The following ZNF106 variants were observed in gnomAD, a reference collection of about 807,000 sequenced individuals.
The protein encoded by ZNF106 is zinc finger protein 106.
Under a neutral mutation model 195.1 loss-of-function variants are expected in ZNF106, and 67 were observed. That is an observed-to-expected ratio of 0.34 (90% CI 0.28 to 0.42). The LOEUF (loss-of-function observed/expected upper bound fraction) is 0.42, where lower values mean the gene tolerates loss of function less well. Among genes scored for constraint, ZNF106 ranks in the 10% least tolerant of loss-of-function variants. The probability of loss-of-function intolerance (pLI) is 1.00; values close to 1 mark genes in which losing one functional copy is unlikely to be tolerated. For synonymous variants in ZNF106, 784 were observed against 818.6 expected (o/e 0.96, Z 0.72); for missense variants, 2,118 against 2,304.5 (o/e 0.92, Z 1.66).
intron 14 of ZNF106, among the ~76,000 whole-genome samples, chr15:42,430,790 A>G (rs552856273): frequency 1.4e-4 from 21 of 152,096 alleles, no homozygotes; most frequent in South Asian, 8.3e-4. Context: ...ATTTATTACC[A>G]AAATATGCTT....
chr15:42,442,366 G>T lies in ZNF106; in HGVS notation c.3470C>A (p.Thr1157Lys). ...EHPDQVPCSL[T>K]RERRNSRSQT... ...AGATCTACTGTTCCTTCGTTCTCGT[G>T]TGAGGCTACAGGGAACCTGGTCTGG... The change falls in exon 10 of 22, where the codon ACA (threonine) becomes AAA (lysine). Residue 1157 changes from threonine (T) to lysine (K), a missense_variant. By Grantham distance (78) the Thr-to-Lys change is moderately conservative. Coordinates refer to ENST00000564754, the MANE Select transcript of ZNF106 (RefSeq NM_001366845.3). 6.2e-7 allele frequency: 1 copy of T among 1,614,186 alleles called. No individual in the cohort carries two copies.
intron 1 of ZNF106, among the ~76,000 whole-genome samples, chr15:42,476,022 C>A (rs115425326): frequency 2.6e-5 from 4 of 152,174 alleles, no homozygotes; most frequent in African/African-American, 9.6e-5. Context: ...AAAAATAAAG[C>A]CATACAATAT....
intron 14 of ZNF106, among the ~76,000 whole-genome samples, chr15:42,435,053 C>T (rs918429113): frequency 1.2e-4 from 18 of 152,134 alleles, no homozygotes; most frequent in African/African-American, 3.9e-4. Context: ...GGATTAGAGG[C>T]GTGAGCCACT....
intron 1 of ZNF106, among the ~76,000 whole-genome samples, chr15:42,485,875 C>T (rs1042854941): frequency 2.0e-5 from 3 of 152,072 alleles, no homozygotes; most frequent in Non-Finnish European, 4.4e-5. Context: ...ATATTTATTC[C>T]TTGATTTAGC....
intron 14 of ZNF106, 107 bp from the exon 15 acceptor site, chr15:42,428,241 A>AGT (rs2054927509): frequency 1.2e-6 from 1 of 808,868 alleles, no homozygotes; most frequent in African/African-American, 1.7e-5. Flanking sequence ...TGCGGAAGAA[A>AGT]GTGTGACATC....
rs758102314 is a variant in ZNF106 at position 42,448,369 on chromosome 15, T to C, written c.2838A>G (p.Thr946=). 1.2e-6 allele frequency: 2 copies of C among 1,614,084 alleles called. No homozygotes were observed. The highest frequency in any genetic ancestry group is 1.7e-6 in the Non-Finnish European group (2 of 1,180,042). Residue 946 remains threonine (T), a synonymous_variant, in exon 6 of 22, where the codon ACA becomes ACG. Coordinates refer to ENST00000564754, the MANE Select transcript of ZNF106 (RefSeq NM_001366845.3). Reference sequence around the variant, plus strand: ...TAGCAACATTTTCAGCCCTTTCACCTGTTCGGAGGGAGGCAGCCCGAGGTG... The same window carrying C: ...TAGCAACATTTTCAGCCCTTTCACCCGTTCGGAGGGAGGCAGCCCGAGGTG... ...EVTPRAASLR[T]GERAENVATQ...
intron 10 of ZNF106, among the ~76,000 whole-genome samples, chr15:42,440,979 T>G: frequency 1.4e-5 from 1 of 70,174 alleles, no homozygotes; most frequent in Non-Finnish European, 2.4e-5. Context: ...AGCGAAACTC[T>G]GTCTAAAAAA....
rs767862589 is a variant in ZNF106, at chr15:42,417,994, A to C, written c.5518-43T>G. The C allele has an allele frequency of 2.3e-5, 37 of 1,598,286 alleles. 1 individual carries two copies. The African/African-American group carries it at 4.4e-4, about 19-fold the overall frequency. On this transcript the variant is annotated intron_variant, in intron 20 of 21. Coordinates refer to ENST00000564754, the MANE Select transcript of ZNF106 (RefSeq NM_001366845.3). Reference sequence around the variant, plus strand: ...GAGGAGACTCGGTGAAAAAGGGTGCAGTGAACGTGAATCAGAACAGCCCCC... The same window carrying C: ...GAGGAGACTCGGTGAAAAAGGGTGCCGTGAACGTGAATCAGAACAGCCCCC...
chr15:42,428,087 G>A lies in ZNF106; in HGVS notation c.4929C>T (p.Cys1643=), dbSNP rs2054920307. Residue 1643 remains cysteine, a synonymous_variant, in exon 15 of 22, where the codon TGC becomes TGT. Transcript: ENST00000564754. Reference sequence around the variant, plus strand: ...AGAGGATTCGCCATCTACTGTGGAGGCAGAGGACCCGGTCTTCCAGCTGTA... The same window carrying A: ...AGAGGATTCGCCATCTACTGTGGAGACAGAGGACCCGGTCTTCCAGCTGTA... The part of the protein sequence containing the change: ...EQLQLEDRVL[C]LHSRWRILYA... 1 of 1,614,118 alleles carries A rather than the reference G, an allele frequency of 6.2e-7. No homozygotes were observed. Among genetic ancestry groups the A allele is most frequent in the Non-Finnish European group, 8.5e-7 (1 of 1,180,006 alleles).
chr15:42,449,262 G>C (rs2055892365), intron 5 of ZNF106, among the ~76,000 whole-genome samples: 1 of 152,146 alleles, frequency 6.6e-6, no homozygotes, highest in African/African-American at 2.4e-5. Flanking sequence ...AACATAAGAT[G>C]AAGAGCCAAA....
rs976456667 is a variant in ZNF106, at chr15:42,448,112, T to A, written c.3095A>T (p.Asn1032Ile). 4 of 1,614,030 alleles carry A rather than the reference T, an allele frequency of 2.5e-6. No individual in the cohort carries two copies. Among genetic ancestry groups the A allele is most frequent in the Non-Finnish European group, 3.4e-6 (4 of 1,179,904 alleles). Residue 1032 changes from asparagine (N) to isoleucine (I), a missense_variant, in exon 6 of 22, where the codon AAT (asparagine) becomes ATT (isoleucine). Asn to Ile is a moderately radical substitution (Grantham distance 149). Coordinates refer to ENST00000564754, the MANE Select transcript of ZNF106 (RefSeq NM_001366845.3). The stretch of plus-strand genomic sequence containing the variant: ...TTTCTTTCTAATACTTTGGCCATCA[T>A]TTTGTTCAGCACCAGAGGTACAGCT... ...DSSCTSGAEQ[N>I]DGQSIRKKRR... is the part of the protein sequence containing the mutation.
At chr15:42,446,795 T>A (rs1409406362) in intron 6 of ZNF106, 137 bp from the exon 7 acceptor site, 22 of 754,386 alleles carry the variant, frequency 2.9e-5, no homozygotes, top group Middle Eastern at 7.4e-4. Context: ...CGTAGAAGTC[T>A]CACGCACGTG....
chr15:42,482,344 T>C (rs1432020708), intron 1 of ZNF106, among the ~76,000 whole-genome samples: 1 of 152,128 alleles, frequency 6.6e-6, no homozygotes, highest in African/African-American at 2.4e-5. Flanking sequence ...TTTCTTTGTA[T>C]ATGAGTAGTT....
chr15:42,421,276 A>T, intron 19 of ZNF106, 144 bp from the exon 20 acceptor site: 1 of 748,756 alleles, frequency 1.3e-6, no homozygotes, highest in Non-Finnish European at 2.3e-6. Flanking sequence ...GGAGAATGGG[A>T]AAGTATTTTC....
Position 42,468,008 on chromosome 15 carries a change from C to T in ZNF106, c.55-1894G>A, listed in dbSNP as rs112136110. On this transcript the variant is annotated intron_variant, in intron 2 of 21. Coordinates refer to ENST00000564754, the MANE Select transcript of ZNF106 (RefSeq NM_001366845.3). Reference sequence around the variant, plus strand: ...ATTTGTCAAAAACAATACAACACAACCCACTGTTACTTAAAGTTATCTACT... The same window carrying T: ...ATTTGTCAAAAACAATACAACACAATCCACTGTTACTTAAAGTTATCTACT... 3.6e-3 allele frequency among the ~76,000 whole-genome samples: 542 copies of T among 151,808 alleles called. 4 individuals carry two copies. Among genetic ancestry groups the T allele is most frequent in the African/African-American group, 0.012 (513 of 41,356 alleles).
chr15:42,452,014 G>T, intron 4 of ZNF106, 60 bp from the exon 5 acceptor site: 1 of 1,523,118 alleles, frequency 6.6e-7, no homozygotes, highest in Admixed American at 2.1e-5. Flanking sequence ...ACCTTGAAAG[G>T]CATAACCCAC....
chr15:42,487,745 G>C (rs556589740), intron 1 of ZNF106, among the ~76,000 whole-genome samples: 4 of 152,094 alleles, frequency 2.6e-5, no homozygotes, highest in Admixed American at 6.6e-5. Flanking sequence ...ATAACTACTT[G>C]CATCTTGCAT....
In ZNF106 at chr15:42,449,983, G is replaced by C. The variant is rs1234233256; in HGVS notation, c.2289C>G (p.Ser763Arg). 6.2e-7 allele frequency: 1 copy of C among 1,614,174 alleles called. No homozygotes were observed. Among genetic ancestry groups the C allele is most frequent in the Non-Finnish European group, 8.5e-7 (1 of 1,180,028 alleles). The part of the protein sequence containing the change: ...RDLTRHISLK[S>R]KTGVHLPEPN... ...GCTCAGGAAGGTGTACTCCAGTTTT[G>C]CTCTTCAAACTAATGTGCCGGGTTA... The change falls in exon 5 of 22, where the codon AGC (serine) becomes AGG (arginine). Residue 763 changes from serine (S) to arginine (R), a missense_variant. Ser to Arg is a moderately radical substitution (Grantham distance 110). Coordinates refer to ENST00000564754, the MANE Select transcript of ZNF106 (RefSeq NM_001366845.3).
chr15:42,451,332 C>G lies in ZNF106; in HGVS notation c.940G>C (p.Val314Leu), dbSNP rs761234266. The G allele has an allele frequency of 9.9e-6, 16 of 1,613,922 alleles. No homozygotes were observed. The highest frequency in any genetic ancestry group is 1.4e-5 in the Non-Finnish European group (16 of 1,179,850). Residue 314 changes from valine (V) to leucine (L), a missense_variant, in exon 5 of 22, where the codon GTT becomes CTT. Transcript: ENST00000564754. ...TCAGAAGGACCTCTATATGTGGCAA[C>G]TGTACCAAGTTTGTCATTTTCTTGC... The part of the protein sequence containing the change: ...QRQENDKLGT[V>L]ATYRGPSEGF...
Sources: allele counts gnomAD v4.1 joint callset (sites outside exome capture counted in the v4.1 genomes callset), GRCh38; gene constraint gnomAD v4.1.1; transcripts MANE v1.5; gene names NCBI Gene and HGNC (gene_info 2026-07-23, HGNC 2026-07-21).